ISCA1: variants seen among roughly 807,000 people sequenced by gnomAD.
ISCA1 encodes iron-sulfur cluster assembly 1.
In ISCA1, 9 loss-of-function variants were observed where a neutral mutation model predicts 14.7. That is an observed-to-expected ratio of 0.61 (90% CI 0.37 to 1.07). The LOEUF (loss-of-function observed/expected upper bound fraction) is 1.07, where lower values mean the gene tolerates loss of function less well. Among genes scored for constraint, ISCA1 ranks in the 50% least tolerant of loss-of-function variants. The probability of loss-of-function intolerance (pLI) is 0.01; values close to 1 mark genes in which losing one functional copy is unlikely to be tolerated. For missense variants in ISCA1, 102 were observed against 150.1 expected, an observed-to-expected ratio of 0.68 and a Z score of 1.67; for synonymous variants, 38 against 54.3, an observed-to-expected ratio of 0.70 and a Z score of 1.32.
At chr9:86,267,431 C>T (rs956381067) in intron 3 of ISCA1, 1 of 944,232 alleles carries the variant, frequency 1.1e-6, no homozygotes, top group Non-Finnish European at 1.3e-6. Flanking sequence ...TAAGAAAGCA[C>T]ACTTAGGAAT....
rs187144611 is a variant in ISCA1 at position 86,267,484 on chromosome 9, T to G, written c.242-1293A>C. On this transcript the variant is annotated intron_variant, in intron 3 of 3. Transcript: ENST00000375991. The stretch of plus-strand genomic sequence containing the variant: ...ATGTAGGTAAGAACTGCAAGCTAAG[T>G]GCATACTTCCAATGACAAGATAAAT... 3,106 of 974,024 alleles carry G rather than the reference T, an allele frequency of 3.2e-3. 7 individuals are homozygous for G. Among genetic ancestry groups the G allele is most frequent in the Non-Finnish European group, 3.6e-3 (2,934 of 819,614 alleles). 60.3% of individuals were successfully genotyped at this position (974,024 alleles called of 1,614,324 possible). A position where few individuals can be genotyped will look rare whatever the true frequency, so the allele number is the denominator to read the frequency against.
At chr9:86,281,631 T>G (rs1208363992) in intron 1 of ISCA1, among the ~76,000 whole-genome samples, 4 of 152,236 alleles carry the variant, frequency 2.6e-5, no homozygotes, top group Non-Finnish European at 4.4e-5. Flanking sequence ...ACTAAAAAAC[T>G]GAACGGTGCG....
At chr9:86,280,420 CTAAAAATACAAAAATAAATAAATAAATA>C (rs1182647070) in intron 1 of ISCA1, among the ~76,000 whole-genome samples, 1 of 151,548 alleles carries the variant, frequency 6.6e-6, no homozygotes, top group East Asian at 1.9e-4. Flanking sequence ...CCCATCTCTA[CTAAAAATACAAAAATAAATAAATAAATA>C]AGCTGGGCAT....
intron 3 of ISCA1, 72 bp from the exon 4 acceptor site, chr9:86,266,263 G>T: frequency 1.3e-6 from 2 of 1,518,084 alleles, no homozygotes; most frequent in South Asian, 1.4e-5. Context: ...AAGCACAAGT[G>T]AACTTGAAAT....
Position 86,266,032 on chromosome 9 carries a change from G to C in ISCA1, c.*11C>G, listed in dbSNP as rs1158985965. On this transcript the variant is annotated 3_prime_UTR_variant, in exon 4 of 4. Transcript: ENST00000375991. Reference sequence around the variant, plus strand: ...TTTCCTGGAACCTACGGCCAGAAGAGTCCTGAGATTTCAAATATTAAAGCT... The same window carrying C: ...TTTCCTGGAACCTACGGCCAGAAGACTCCTGAGATTTCAAATATTAAAGCT... 1.2e-6 allele frequency: 2 copies of C among 1,611,792 alleles called. No individual in the cohort carries two copies. Among genetic ancestry groups the C allele is most frequent in the African/African-American group, 2.7e-5 (2 of 74,846 alleles).
chr9:86,272,390 T>C (rs1371646879), intron 2 of ISCA1, among the ~76,000 whole-genome samples: 1 of 152,216 alleles, frequency 6.6e-6, no homozygotes, highest in Non-Finnish European at 1.5e-5. Flanking sequence ...TTCTGTGAGA[T>C]ATCCTCTGAA....
At chr9:86,279,925 T>C (rs1168155425) in intron 1 of ISCA1, among the ~76,000 whole-genome samples, 2 of 152,204 alleles carry the variant, frequency 1.3e-5, no homozygotes, top group African/African-American at 4.8e-5. Context: ...GAAAACAGCA[T>C]TGATGTGCCT....
intron 3 of ISCA1, among the ~76,000 whole-genome samples, chr9:86,271,129 T>C (rs1368568706): frequency 6.6e-6 from 1 of 152,056 alleles, no homozygotes; most frequent in Non-Finnish European, 1.5e-5. Flanking sequence ...CACTATACTT[T>C]TTCTTTGTTT....
chr9:86,275,118 C>T (rs1535757), intron 1 of ISCA1, among the ~76,000 whole-genome samples: 67,669 of 151,964 alleles, frequency 0.45, 15,258 homozygotes, highest in Middle Eastern at 0.59. Flanking sequence ...ACAGGGATAA[C>T]AGTTCCTCCT....
At position 86,274,103 on chromosome 9, in the gene ISCA1, T is replaced by A. The variant is rs995339133; in HGVS notation, c.135+86A>T. 3.6e-5 allele frequency: 26 copies of A among 730,300 alleles called. No homozygotes were observed. The African/African-American group carries it at 4.1e-4, about 12-fold the overall frequency. 45.2% of individuals were successfully genotyped at this position (730,300 alleles called of 1,614,324 possible). ...TACATTTTAAATAAAAACCCCTAAA[T>A]GAAATAATACTGTATATCATGGGAT... On this transcript the variant is annotated intron_variant, in intron 2 of 3. Transcript: ENST00000375991.
At position 86,282,489 on chromosome 9, in the gene ISCA1, G is replaced by GC. The variant is rs1564011540; in HGVS notation, c.-32dup. ...CCGTCCCGGCGCCCCGGTGCCTCGG[G>GC]CCGAAGGTCGGCCGCCTCAGCTTCT... On this transcript the variant is annotated 5_prime_UTR_variant, in exon 1 of 4. Coordinates refer to ENST00000375991, the MANE Select transcript of ISCA1 (RefSeq NM_030940.4). 6.5e-7 allele frequency: 1 copy of GC among 1,550,168 alleles called. No homozygotes were observed. The highest frequency in any genetic ancestry group is 1.2e-5 in the South Asian group (1 of 84,080).
At chr9:86,268,443 CAA>C (rs35902983) in intron 3 of ISCA1, among the ~76,000 whole-genome samples, 13 of 82,142 alleles carry the variant, frequency 1.6e-4, no homozygotes, top group Middle Eastern at 9.4e-3. Flanking sequence ...ACAAAAGAGT[CAA>C]AAAAAAAAAA....
At chr9:86,279,464 T>C (rs974680472) in intron 1 of ISCA1, among the ~76,000 whole-genome samples, 1 of 152,250 alleles carries the variant, frequency 6.6e-6, no homozygotes, top group African/African-American at 2.4e-5. Context: ...ATGTAGATAA[T>C]CTGATAATGA....
intron 1 of ISCA1, among the ~76,000 whole-genome samples, chr9:86,278,464 A>G (rs1825468659): frequency 6.6e-6 from 1 of 152,110 alleles, no homozygotes; most frequent in Admixed American, 6.6e-5. Context: ...CAGGAGTTTG[A>G]GACCAGCCTG....
intron 2 of ISCA1, 144 bp downstream of exon 2, chr9:86,274,045 T>G (rs1191937602): frequency 1.0e-5 from 6 of 572,190 alleles, no homozygotes; most frequent in Admixed American, 3.2e-5. Flanking sequence ...CCTTTTGTAT[T>G]ATTTGAATTT....
rs1379088152 is a variant in ISCA1, at chr9:86,265,116, A to G, written c.*927T>C. 6.6e-6 allele frequency: 1 copy of G among 152,250 alleles called. No individual in the cohort carries two copies. The highest frequency in any genetic ancestry group is 2.4e-5 in the African/African-American group (1 of 41,470). 9.4% of individuals were successfully genotyped at this position (152,250 alleles called of 1,614,324 possible). Reference sequence around the variant, plus strand: ...TTTTAAAATTCTTCCCACTCAAAATAAAATAAAAATAATATAATCTCTATC... The same window carrying G: ...TTTTAAAATTCTTCCCACTCAAAATGAAATAAAAATAATATAATCTCTATC... On this transcript the variant is annotated 3_prime_UTR_variant, in exon 4 of 4. Transcript: ENST00000375991.
Position 86,274,123 on chromosome 9 carries a change from T to C in ISCA1, c.135+66A>G, listed in dbSNP as rs932730662. 7.9e-6 allele frequency: 7 copies of C among 882,512 alleles called. No homozygotes were observed. The East Asian group carries it at 1.4e-4, about 18-fold the overall frequency. The allele number at this position is 882,512 out of a possible 1,614,324, so 54.7% of individuals were successfully genotyped here. On this transcript the variant is annotated intron_variant, in intron 2 of 3. Coordinates refer to ENST00000375991, the MANE Select transcript of ISCA1 (RefSeq NM_030940.4). ...CTAAATGAAATAATACTGTATATCA[T>C]GGGATAAATTCATTCTGAAAATGCA...
chr9:86,268,067 C>T (rs532649994), intron 3 of ISCA1, among the ~76,000 whole-genome samples: 100 of 151,930 alleles, frequency 6.6e-4, no homozygotes, highest in Non-Finnish European at 6.9e-4. Flanking sequence ...TATGTATTTA[C>T]TATACTTTTT....
At chr9:86,277,671 C>G (rs1415258244) in intron 1 of ISCA1, among the ~76,000 whole-genome samples, 4 of 152,054 alleles carry the variant, frequency 2.6e-5, no homozygotes, top group Admixed American at 1.3e-4. Flanking sequence ...AGTGCACTTC[C>G]CAGAACAACT....
Sources: allele counts gnomAD v4.1 joint callset (sites outside exome capture counted in the v4.1 genomes callset), GRCh38; gene constraint gnomAD v4.1.1; transcripts MANE v1.5; gene names NCBI Gene and HGNC (gene_info 2026-07-23, HGNC 2026-07-21).